The following IGF2BP3 variants were observed in gnomAD, a reference collection of about 807,000 sequenced individuals.
The protein encoded by IGF2BP3 is insulin like growth factor 2 mRNA binding protein 3.
A neutral mutation model predicts 73.8 loss-of-function variants in IGF2BP3; 9 were observed. That is an observed-to-expected ratio of 0.12 (90% confidence interval 0.07 to 0.21). IGF2BP3 has a LOEUF of 0.21. Among genes scored for constraint, IGF2BP3 ranks in the 10% least tolerant of loss-of-function variants. IGF2BP3 has a pLI of 1.00. For synonymous variants in IGF2BP3, 258 were observed against 256.7 expected, an observed-to-expected ratio of 1.01 and a Z score of -0.05; for missense variants, 542 against 714.0, an observed-to-expected ratio of 0.76 and a Z score of 2.75.
At chr7:23,325,421 G>A (rs36200538) in intron 10 of IGF2BP3, among the ~76,000 whole-genome samples, 10,413 of 151,746 alleles carry the variant, frequency 0.069, 506 homozygotes, top group Admixed American at 0.14. Flanking sequence ...TGAAATAAAA[G>A]AGGATACAAA....
intron 2 of IGF2BP3, among the ~76,000 whole-genome samples, chr7:23,460,392 C>T (rs935226884): frequency 1.3e-5 from 2 of 151,644 alleles, no homozygotes; most frequent in Non-Finnish European, 2.9e-5. Context: ...ATCAGCCAGG[C>T]ATGGTGGCGG....
At chr7:23,383,244 G>T (rs1785970441) in intron 3 of IGF2BP3, among the ~76,000 whole-genome samples, 2 of 152,134 alleles carry the variant, frequency 1.3e-5, no homozygotes, top group South Asian at 4.1e-4. Context: ...TTTACATGCA[G>T]GCTAACAAGC....
intron 2 of IGF2BP3, among the ~76,000 whole-genome samples, chr7:23,438,311 T>C (rs973830782): frequency 6.6e-6 from 1 of 152,144 alleles, no homozygotes; most frequent in African/African-American, 2.4e-5. Flanking sequence ...ACGAGGTTTC[T>C]CCATGTTAGC....
intron 2 of IGF2BP3, among the ~76,000 whole-genome samples, chr7:23,436,450 G>A (rs1787810429): frequency 6.6e-6 from 1 of 152,000 alleles, no homozygotes; most frequent in Non-Finnish European, 1.5e-5. Context: ...CAGTATAGGA[G>A]GATTTATTAT....
In IGF2BP3 at chr7:23,412,792, A is replaced by G. The variant is rs377498997; in HGVS notation, c.285+5984T>C. On this transcript the variant is annotated intron_variant, in intron 3 of 14. Transcript: ENST00000258729. ...TTCTTTTGACTGGAGAGTAGTTTCAAGGAAATAACATTAGGAGAAACTGAG... is the reference window on the plus strand; with the variant it reads ...TTCTTTTGACTGGAGAGTAGTTTCAGGGAAATAACATTAGGAGAAACTGAG... 1.3e-4 allele frequency among the ~76,000 whole-genome samples: 19 copies of G among 149,084 alleles called. No homozygotes were observed. In the East Asian group the frequency reaches 1.6e-3, roughly 12 times the overall value.
intron 3 of IGF2BP3, among the ~76,000 whole-genome samples, chr7:23,397,079 A>G (rs751900863): frequency 6.6e-6 from 1 of 152,170 alleles, no homozygotes; most frequent in African/African-American, 2.4e-5. Context: ...CAGAAACCCC[A>G]TACCTCTGCC....
At chr7:23,406,146 T>C (rs1786823117) in intron 3 of IGF2BP3, among the ~76,000 whole-genome samples, 1 of 152,016 alleles carries the variant, frequency 6.6e-6, no homozygotes, top group Admixed American at 6.6e-5. Flanking sequence ...ATCACTGATC[T>C]AAAACACTGA....
chr7:23,348,235 G>C (rs1035308964), intron 6 of IGF2BP3, among the ~76,000 whole-genome samples: 1 of 152,224 alleles, frequency 6.6e-6, no homozygotes, highest in Non-Finnish European at 1.5e-5. Context: ...ATAGAGGAAA[G>C]TCTGCAACGA....
At chr7:23,368,479 A>G (rs57194986) in intron 3 of IGF2BP3, among the ~76,000 whole-genome samples, 2,834 of 152,334 alleles carry the variant, frequency 0.019, 82 homozygotes, top group African/African-American at 0.065. Flanking sequence ...GAACTCTACG[A>G]TAGACAGAAA....
intron 2 of IGF2BP3, among the ~76,000 whole-genome samples, chr7:23,430,573 G>A (rs1787649586): frequency 6.6e-6 from 1 of 152,104 alleles, no homozygotes; most frequent in South Asian, 2.1e-4. Context: ...CATTCAGCCT[G>A]GCTAATTTCA....
At chr7:23,339,790 T>C (rs189889007) in intron 10 of IGF2BP3, among the ~76,000 whole-genome samples, 85 of 152,316 alleles carry the variant, frequency 5.6e-4, no homozygotes, top group African/African-American at 1.9e-3. Context: ...GATCAGCTCA[T>C]TGTACCTTTT....
intron 8 of IGF2BP3, among the ~76,000 whole-genome samples, chr7:23,345,602 G>C (rs1784810361): frequency 6.6e-6 from 1 of 152,240 alleles, no homozygotes; most frequent in South Asian, 2.1e-4. Context: ...TGTTCACATT[G>C]TGTTAAGCTG....
At chr7:23,404,226 C>T (rs1049786192) in intron 3 of IGF2BP3, among the ~76,000 whole-genome samples, 3 of 150,956 alleles carry the variant, frequency 2.0e-5, no homozygotes, top group Non-Finnish European at 4.4e-5. Flanking sequence ...TACTCTAAAA[C>T]CCAAAGGCAG....
chr7:23,320,397 G>C (rs189657230), intron 10 of IGF2BP3, among the ~76,000 whole-genome samples: 4 of 152,120 alleles, frequency 2.6e-5, no homozygotes, highest in Admixed American at 1.3e-4. Context: ...ATTTGCTCAA[G>C]AGTTCACAGT....
At chr7:23,359,984 G>C (rs912049795) in intron 5 of IGF2BP3, among the ~76,000 whole-genome samples, 1 of 151,660 alleles carries the variant, frequency 6.6e-6, no homozygotes, top group Non-Finnish European at 1.5e-5. Context: ...GATACCAACA[G>C]AAGAAATACA....
Position 23,390,120 on chromosome 7 carries a change from A to T in IGF2BP3, c.286-28379T>A, listed in dbSNP as rs1786225569. ...TGAAGTATGCTGGGGAGGATATGGA[A>T]AAACAATGTCTTGTCCATTAGTGGG... On this transcript the variant is annotated intron_variant, in intron 3 of 14. Transcript: ENST00000258729. Among the ~76,000 whole-genome samples, 3 of 152,250 alleles carry T rather than the reference A, an allele frequency of 2.0e-5. 1 individual carries two copies. The South Asian group carries it at 6.2e-4, about 31-fold the overall frequency.
At chr7:23,312,648 T>A in intron 14 of IGF2BP3, 87 bp downstream of exon 14, 2 of 1,032,676 alleles carry the variant, frequency 1.9e-6, no homozygotes, top group Non-Finnish European at 2.9e-6. Context: ...TCAAACAACC[T>A]TAACTAATTC....
At chr7:23,443,493 C>A (rs537799028) in intron 2 of IGF2BP3, among the ~76,000 whole-genome samples, 14 of 152,024 alleles carry the variant, frequency 9.2e-5, no homozygotes, top group African/African-American at 3.4e-4. Flanking sequence ...TTGGGAAACC[C>A]CATCTCTACT....
chr7:23,362,636 T>C (rs1785260629), intron 3 of IGF2BP3: 1 of 152,252 alleles, frequency 6.6e-6, no homozygotes, highest in South Asian at 2.1e-4. Context: ...GTACGTCTCA[T>C]CAATATAAAC....
Sources: gnomAD v4.1 joint callset for allele counts (sites outside exome capture counted in the v4.1 genomes callset) on GRCh38, gnomAD v4.1.1 for gene constraint, MANE v1.5 for transcripts, NCBI Gene and HGNC (gene_info 2026-07-23, HGNC 2026-07-21) for gene names.